ZRANB3: variants seen among roughly 807,000 people sequenced by gnomAD.
ZRANB3 encodes the protein zinc finger RANBP2-type containing 3.
In ZRANB3, 125 loss-of-function variants were observed where a neutral mutation model predicts 133.8. That is an observed-to-expected ratio of 0.93 (90% CI 0.81 to 1.08). The LOEUF is 1.08. Ranked by LOEUF, ZRANB3 falls within the 50% of genes least tolerant of loss-of-function variation. ZRANB3 has a pLI of 0.00. For missense variants in ZRANB3, 1,229 were observed against 1,275.5 expected, an observed-to-expected ratio of 0.96 and a Z score of 0.56; for synonymous variants, 387 against 432.7, an observed-to-expected ratio of 0.89 and a Z score of 1.31.
In ZRANB3 at chr2:135,224,517, T is replaced by C. The variant is rs773062146; in HGVS notation, c.2159A>G (p.Glu720Gly). 6.2e-7 allele frequency: 1 copy of C among 1,610,196 alleles called. No individual in the cohort carries two copies. Among genetic ancestry groups the C allele is most frequent in the South Asian group, 1.1e-5 (1 of 90,278 alleles). ...EDGLTSQPGN[E>G]QWKSSDTLPV... Reference sequence around the variant, plus strand: ...CAAAGTGTCTGAACTCTTCCACTGTTCTATTAAAGAAGACAAAAGAGAACC... The same window carrying C: ...CAAAGTGTCTGAACTCTTCCACTGTCCTATTAAAGAAGACAAAAGAGAACC... The change falls in exon 15 of 21, where the codon GAA becomes GGA. Residue 720 changes from glutamate to glycine, a missense_variant and splice_region_variant. Transcript: ENST00000264159.
chr2:135,200,367 A>G lies in ZRANB3; in HGVS notation c.3215T>C (p.Ile1072Thr). Residue 1072 changes from isoleucine (I) to threonine (T), a missense_variant, in exon 21 of 21, where the codon ATC becomes ACC. By Grantham distance (89) the Ile-to-Thr change is moderately conservative (BLOSUM62 -1). Transcript: ENST00000264159. The part of the protein sequence containing the change: ...QSLASKHGSD[I>T]TRFLVKK ...TTACTTCTTTACCAAAAATCGTGTGATGTCTGATCCATGCTTTGATGCTAG... is the reference window on the plus strand; with the variant it reads ...TTACTTCTTTACCAAAAATCGTGTGGTGTCTGATCCATGCTTTGATGCTAG... 6.2e-7 allele frequency: 1 copy of G among 1,604,272 alleles called. No individual in the cohort carries two copies. The highest frequency in any genetic ancestry group is 8.5e-7 in the Non-Finnish European group (1 of 1,174,946).
chr2:135,280,615 C>T (rs914424933), intron 8 of ZRANB3, among the ~76,000 whole-genome samples: 10 of 151,906 alleles, frequency 6.6e-5, no homozygotes, highest in African/African-American at 2.4e-4. Flanking sequence ...AGAGAATATT[C>T]ATGATTTTTT....
chr2:135,507,817 TG>T lies in ZRANB3; in HGVS notation c.-7-3322del, dbSNP rs140692536. On this transcript the variant is annotated intron_variant, in intron 1 of 20. Transcript: ENST00000264159. ...AAAAGATCATAAAATTAGCTGGTTGTGGGGGTGCATGCCTGTAGTCCCAACT... is the reference window on the plus strand; with the variant it reads ...AAAAGATCATAAAATTAGCTGGTTGTGGGGTGCATGCCTGTAGTCCCAACT... Among the ~76,000 whole-genome samples, 2,818 of 152,128 alleles carry T rather than the reference TG, an allele frequency of 0.019. 231 individuals carry two copies. In the East Asian group the frequency reaches 0.25, roughly 14 times the overall value.
intron 2 of ZRANB3, among the ~76,000 whole-genome samples, chr2:135,409,171 G>A (rs1050213310): frequency 3.3e-5 from 5 of 152,034 alleles, no homozygotes; most frequent in African/African-American, 1.2e-4. Flanking sequence ...GCAAGAGAGT[G>A]AGTGGGGAGG....
intron 1 of ZRANB3, among the ~76,000 whole-genome samples, chr2:135,507,765 G>A (rs1693257899): frequency 6.6e-6 from 1 of 151,862 alleles, no homozygotes; most frequent in South Asian, 2.1e-4. Flanking sequence ...GATCAGCCAG[G>A]GCAAACAGCG....
intron 17 of ZRANB3, among the ~76,000 whole-genome samples, chr2:135,213,097 C>G (rs1374893465): frequency 6.6e-6 from 1 of 152,122 alleles, no homozygotes; most frequent in Non-Finnish European, 1.5e-5. Context: ...TGGGGGAGTG[C>G]CCAAAGTCAG....
chr2:135,390,896 C>G, intron 2 of ZRANB3, 76 bp from the exon 3 acceptor site: 1 of 1,411,478 alleles, frequency 7.1e-7, no homozygotes, highest in Non-Finnish European at 9.3e-7. Context: ...GAGTCTCGCT[C>G]TGTCACCAGG....
intron 2 of ZRANB3, among the ~76,000 whole-genome samples, chr2:135,432,566 A>T (rs188405753): frequency 2.6e-4 from 39 of 152,344 alleles, no homozygotes; most frequent in Non-Finnish European, 4.4e-4. Flanking sequence ...TTTAAGAGTT[A>T]ACCATAGCTG....
chr2:135,517,174 A>C (rs1032788669), intron 1 of ZRANB3, among the ~76,000 whole-genome samples: 1 of 151,934 alleles, frequency 6.6e-6, no homozygotes, highest in Admixed American at 6.6e-5. Context: ...CAATTCCTCT[A>C]ACCTTTTTTC....
intron 2 of ZRANB3, among the ~76,000 whole-genome samples, chr2:135,493,791 A>T (rs1355338629): frequency 1.3e-5 from 2 of 152,212 alleles, no homozygotes; most frequent in Admixed American, 6.5e-5. Context: ...AGAGAACTGA[A>T]AACATGTCCA....
At chr2:135,479,795 T>C (rs1471829697) in intron 2 of ZRANB3, among the ~76,000 whole-genome samples, 1 of 152,162 alleles carries the variant, frequency 6.6e-6, no homozygotes, top group Non-Finnish European at 1.5e-5. Flanking sequence ...TATGATGCTA[T>C]TCTACAAATC....
Position 135,359,760 on chromosome 2 carries a change from C to T in ZRANB3, c.181-6132G>A, listed in dbSNP as rs533095243. On this transcript the variant is annotated intron_variant, in intron 3 of 20. Transcript: ENST00000264159. Reference sequence around the variant, plus strand: ...GTCCAGCTATCTTTCCTGGTAAGAACCCCCAACTTCTTATTCAGCATCTCT... The same window carrying T: ...GTCCAGCTATCTTTCCTGGTAAGAATCCCCAACTTCTTATTCAGCATCTCT... Among the ~76,000 whole-genome samples the T allele has an allele frequency of 7.9e-5, 12 of 152,230 alleles. No homozygotes were observed. The South Asian group carries it at 2.5e-3, about 32-fold the overall frequency.
intron 8 of ZRANB3, among the ~76,000 whole-genome samples, chr2:135,309,570 G>T (rs1009156900): frequency 1.5e-4 from 23 of 152,112 alleles, no homozygotes; most frequent in African/African-American, 4.3e-4. Flanking sequence ...TAAGAAAATC[G>T]ATAATAATTC....
intron 1 of ZRANB3, among the ~76,000 whole-genome samples, chr2:135,506,972 T>C (rs1559044255): frequency 6.6e-6 from 1 of 151,922 alleles, no homozygotes; most frequent in Non-Finnish European, 1.5e-5. Context: ...ACCACCCCCA[T>C]AACAAAACTT....
At chr2:135,329,896 ATT>A (rs1249956951) in intron 6 of ZRANB3, among the ~76,000 whole-genome samples, 1 of 152,230 alleles carries the variant, frequency 6.6e-6, no homozygotes, top group African/African-American at 2.4e-5. Context: ...ATTTTTGCAC[ATT>A]GATTTTATAT....
At chr2:135,309,693 T>C (rs1023799197) in intron 8 of ZRANB3, among the ~76,000 whole-genome samples, 1 of 151,802 alleles carries the variant, frequency 6.6e-6, no homozygotes, top group African/African-American at 2.4e-5. Context: ...TTAAAAAAAC[T>C]AGAGAACATT....
chr2:135,237,032 A>G (rs991161704), intron 12 of ZRANB3, among the ~76,000 whole-genome samples: 23 of 152,170 alleles, frequency 1.5e-4, no homozygotes, highest in African/African-American at 4.3e-4. Context: ...AATTTTTGCA[A>G]TCTACTCATC....
At chr2:135,299,599 T>C (rs1181489103) in intron 8 of ZRANB3, among the ~76,000 whole-genome samples, 1 of 152,176 alleles carries the variant, frequency 6.6e-6, no homozygotes, top group Non-Finnish European at 1.5e-5. Flanking sequence ...CCTATCGTCA[T>C]TATTTACTAT....
chr2:135,440,563 T>C lies in ZRANB3; in HGVS notation c.162-49743A>G, dbSNP rs570812590. On this transcript the variant is annotated intron_variant, in intron 2 of 20. Transcript: ENST00000264159. ...TAAGAAATGTGGATGGTCCTTGGAA[T>C]CTGAGATTGAGCCAGGCTGACAGCA... is the stretch of plus-strand genomic sequence containing the variant. 1.3e-3 allele frequency among the ~76,000 whole-genome samples: 200 copies of C among 152,260 alleles called. 1 individual carries two copies. Among genetic ancestry groups the C allele is most frequent in the African/African-American group, 4.6e-3 (193 of 41,544 alleles).
Sources: allele counts gnomAD v4.1 joint callset (sites outside exome capture counted in the v4.1 genomes callset), GRCh38; gene constraint gnomAD v4.1.1; transcripts MANE v1.5; gene names NCBI Gene and HGNC (gene_info 2026-07-23, HGNC 2026-07-21).